The following PPFIBP2 variants were observed in gnomAD, a reference collection of about 807,000 sequenced individuals.
PPFIBP2 encodes liprin-beta-2.
In PPFIBP2, 118 loss-of-function variants were observed where a neutral mutation model predicts 118.3. The ratio of observed to expected loss-of-function variants is 1.00; its 90% CI spans 0.86 to 1.16. The LOEUF (loss-of-function observed/expected upper bound fraction) is 1.16. Ranked by LOEUF, PPFIBP2 falls within the 50% of genes most tolerant of loss-of-function variation. The pLI, the probability that PPFIBP2 is intolerant of heterozygous loss-of-function variation, is 0.00. For synonymous variants in PPFIBP2, 414 were observed against 397.4 expected (o/e 1.04, Z -0.50); for missense variants, 1,195 against 1,073.1 (o/e 1.11, Z -1.59).
intron 20 of PPFIBP2, 60 bp from the exon 21 acceptor site, chr11:7,649,472 A>C: frequency 6.2e-7 from 1 of 1,604,714 alleles, no homozygotes. Flanking sequence ...GGTGAGGGAC[A>C]TCAGGGGTCT....
At chr11:7,557,752 T>C (rs1255536980) in intron 2 of PPFIBP2, among the ~76,000 whole-genome samples, 1 of 152,200 alleles carries the variant, frequency 6.6e-6, no homozygotes, top group African/African-American at 2.4e-5. Flanking sequence ...TCTAGAGCAG[T>C]TGTAGAGCAT....
At chr11:7,642,032 G>A (rs1852266800) in intron 16 of PPFIBP2, 2 of 436,876 alleles carry the variant, frequency 4.6e-6, no homozygotes, top group Admixed American at 7.8e-5. Context: ...ACATGAGGCA[G>A]AAACTGGGGC....
chr11:7,664,629 C>A, the PPFIBP2 span, among the ~76,000 whole-genome samples: 2 of 152,012 alleles, frequency 1.3e-5, no homozygotes, highest in East Asian at 3.9e-4. Flanking sequence ...GAGTTGGGGG[C>A]CCAGGGAAAG....
chr11:7,608,189 G>C (rs947523513), intron 5 of PPFIBP2, among the ~76,000 whole-genome samples: 1 of 152,220 alleles, frequency 6.6e-6, no homozygotes, highest in Non-Finnish European at 1.5e-5. Flanking sequence ...GGCAATTTGA[G>C]TGGGCATTTC....
chr11:7,553,398 C>A (rs1397804335), intron 2 of PPFIBP2, among the ~76,000 whole-genome samples: 1 of 152,114 alleles, frequency 6.6e-6, no homozygotes, highest in East Asian at 1.9e-4. Context: ...AAAGAATGAT[C>A]ATTCTTTTGA....
At chr11:7,623,083 G>A (rs1024639598) in intron 7 of PPFIBP2, among the ~76,000 whole-genome samples, 9 of 152,142 alleles carry the variant, frequency 5.9e-5, no homozygotes, top group Admixed American at 2.6e-4. Context: ...GAGGCTCAGC[G>A]TGGCCAAGCT....
chr11:7,534,474 C>T (rs1267386566), intron 1 of PPFIBP2, among the ~76,000 whole-genome samples: 3 of 152,162 alleles, frequency 2.0e-5, no homozygotes, highest in African/African-American at 4.8e-5. Flanking sequence ...AATAATTTCA[C>T]GTCCATTTGT....
chr11:7,631,750 C>T (rs1309244844), intron 11 of PPFIBP2, among the ~76,000 whole-genome samples: 4 of 152,090 alleles, frequency 2.6e-5, no homozygotes, highest in Non-Finnish European at 5.9e-5. Context: ...TCCAGTGAGC[C>T]AGTTATTGAC....
chr11:7,587,093 A>G (rs1382315556), intron 3 of PPFIBP2, among the ~76,000 whole-genome samples: 1 of 152,150 alleles, frequency 6.6e-6, no homozygotes, highest in South Asian at 2.1e-4. Flanking sequence ...GGCCTGTTGC[A>G]TCTTGTATTC....
chr11:7,653,546 G>T lies in PPFIBP2; in HGVS notation c.*328G>T. On this transcript the variant is annotated 3_prime_UTR_variant, in exon 24 of 24. Transcript: ENST00000299492. ...ACTTCGATGCAGGTCCAGAGACCAT[G>T]GACACTCCCACGAGGCTCAGCTCTC... The T allele has an allele frequency of 7.6e-7, 1 of 1,324,240 alleles. No individual in the cohort carries two copies. Among genetic ancestry groups the T allele is most frequent in the Non-Finnish European group, 9.9e-7 (1 of 1,012,412 alleles). 82.0% of individuals were successfully genotyped at this position (1,324,240 alleles called of 1,614,324 possible).
At chr11:7,619,639 G>A (rs1471694492) in intron 6 of PPFIBP2, among the ~76,000 whole-genome samples, 1 of 152,226 alleles carries the variant, frequency 6.6e-6, no homozygotes. Context: ...GACCAGAGTG[G>A]TGGTGCCTGA....
At chr11:7,646,919 T>C (rs1296128141) in intron 17 of PPFIBP2, among the ~76,000 whole-genome samples, 1 of 152,338 alleles carries the variant, frequency 6.6e-6, no homozygotes, top group African/African-American at 2.4e-5. Flanking sequence ...TTTCTAATTC[T>C]AAATATTCCC....
chr11:7,546,078 G>C (rs1169132829), intron 1 of PPFIBP2, among the ~76,000 whole-genome samples: 1 of 152,190 alleles, frequency 6.6e-6, no homozygotes, highest in Non-Finnish European at 1.5e-5. Context: ...GCCCTGGAGA[G>C]GCTATGGAAG....
At chr11:7,648,127 A>AT (rs917092214) in intron 17 of PPFIBP2, 29 of 414,362 alleles carry the variant, frequency 7.0e-5, no homozygotes, top group Admixed American at 4.6e-4. Context: ...CAGGAGGGCC[A>AT]TACAGGCTGC....
At chr11:7,559,056 G>A (rs1853989802) in intron 2 of PPFIBP2, among the ~76,000 whole-genome samples, 1 of 152,178 alleles carries the variant, frequency 6.6e-6, no homozygotes, top group African/African-American at 2.4e-5. Context: ...GGCATCTGGA[G>A]TTTGTAAAAC....
At chr11:7,602,591 G>C (rs1345033093) in intron 5 of PPFIBP2, among the ~76,000 whole-genome samples, 1 of 152,162 alleles carries the variant, frequency 6.6e-6, no homozygotes, top group African/African-American at 2.4e-5. Context: ...ATTTTCCAGA[G>C]ACTGGCCATT....
intron 12 of PPFIBP2, among the ~76,000 whole-genome samples, chr11:7,634,096 G>T (rs764323741): frequency 6.6e-6 from 1 of 152,158 alleles, no homozygotes; most frequent in Non-Finnish European, 1.5e-5. Flanking sequence ...AGGAGGCCCA[G>T]GTCCCTCCTC....
intron 7 of PPFIBP2, among the ~76,000 whole-genome samples, chr11:7,624,915 G>A (rs1849783872): frequency 6.6e-6 from 1 of 152,154 alleles, no homozygotes; most frequent in South Asian, 2.1e-4. Context: ...AGAGAATCAA[G>A]GTTTGTTTGA....
At chr11:7,601,828 A>T (rs954078100) in intron 5 of PPFIBP2, among the ~76,000 whole-genome samples, 11 of 151,304 alleles carry the variant, frequency 7.3e-5, no homozygotes, top group African/African-American at 2.4e-4. Flanking sequence ...GTGTGGTGGT[A>T]CATAACTGTA....
Sources: gnomAD v4.1 joint callset for allele counts (sites outside exome capture counted in the v4.1 genomes callset) on GRCh38, gnomAD v4.1.1 for gene constraint, MANE v1.5 for transcripts, NCBI Gene and HGNC (gene_info 2026-07-23, HGNC 2026-07-21) for gene names.